TRPM2: variants seen among roughly 807,000 people sequenced by gnomAD.
TRPM2 encodes transient receptor potential cation channel subfamily M member 2, also known as estrogen-responsive element-associated gene 1 protein.
Under a neutral mutation model 174.0 loss-of-function variants are expected in TRPM2, and 161 were observed. The observed-to-expected ratio is 0.93, with a 90% CI of 0.81 to 1.05. TRPM2 has a LOEUF of 1.05. Among genes scored for constraint, TRPM2 ranks in the 50% least tolerant of loss-of-function variants. The pLI, the probability that TRPM2 is intolerant of heterozygous loss-of-function variation, is 0.00. For missense variants in TRPM2, 2,057 were observed against 2,038.0 expected (o/e 1.01, Z -0.18); for synonymous variants, 954 against 861.3 (o/e 1.11, Z -1.88).
intron 27 of TRPM2, among the ~76,000 whole-genome samples, chr21:44,431,828 C>G (rs1004968613): frequency 2.0e-5 from 3 of 152,100 alleles, no homozygotes; most frequent in Non-Finnish European, 4.4e-5. Context: ...AGTTTTATTG[C>G]ATTTTTGTTG....
At chr21:44,408,286 C>G (rs1221164295) in intron 19 of TRPM2, among the ~76,000 whole-genome samples, 2 of 151,992 alleles carry the variant, frequency 1.3e-5, no homozygotes, top group East Asian at 3.9e-4. Flanking sequence ...GTAGCATGAA[C>G]AGTTATTTAC....
At chr21:44,421,568 C>A (rs1039710756) in intron 22 of TRPM2, among the ~76,000 whole-genome samples, 3 of 151,900 alleles carry the variant, frequency 2.0e-5, no homozygotes, top group African/African-American at 7.3e-5. Flanking sequence ...CCCAGGAGTT[C>A]AAGACCAACC....
At chr21:44,406,465 G>A (rs1601173231) in intron 18 of TRPM2, 129 bp from the exon 19 acceptor site, 3 of 1,178,558 alleles carry the variant, frequency 2.5e-6, no homozygotes, top group East Asian at 2.6e-5. Flanking sequence ...GACTGCTCCT[G>A]GGAGCCTCCT....
chr21:44,375,455 G>A (rs1466723985), intron 5 of TRPM2, among the ~76,000 whole-genome samples: 1 of 152,194 alleles, frequency 6.6e-6, no homozygotes, highest in Non-Finnish European at 1.5e-5. Flanking sequence ...TCTCTCACGT[G>A]TCTGGAGGAC....
At position 44,391,212 on chromosome 21, in the gene TRPM2, A is replaced by G. The variant is rs1177669968; in HGVS notation, c.1441-60A>G. 8.3e-6 allele frequency: 13 copies of G among 1,557,308 alleles called. No homozygotes were observed. On this transcript the variant is annotated intron_variant, in intron 10 of 31. Transcript: ENST00000397928. The surrounding 1 kb of genome is among the most constrained non-coding windows in gnomAD (Gnocchi z 5.0). ...AGCCCCCATCTCCAGGGTCTTTGAG[A>G]TCAGGATGACATGGGGTGATGACCA...
intron 12 of TRPM2, among the ~76,000 whole-genome samples, chr21:44,396,656 G>A (rs868586580): frequency 3.2e-4 from 5 of 15,552 alleles, no homozygotes; most frequent in Non-Finnish European, 1.2e-4. Flanking sequence ...GTGTGGAGGG[G>A]TGTGGAGGCT....
chr21:44,404,765 T>C (rs971786904), intron 16 of TRPM2, among the ~76,000 whole-genome samples: 20 of 151,356 alleles, frequency 1.3e-4, no homozygotes, highest in Non-Finnish European at 2.4e-4. Context: ...ATAGTGATGA[T>C]AGTGACAGTG....
chr21:44,419,222 G>A (rs2050424242), intron 22 of TRPM2, among the ~76,000 whole-genome samples: 1 of 152,152 alleles, frequency 6.6e-6, no homozygotes, highest in African/African-American at 2.4e-5. Flanking sequence ...GTGCCACCTA[G>A]TTATGGCCGT....
Position 44,401,840 on chromosome 21 carries a change from G to C in TRPM2, c.2481G>C (p.Trp827Cys). ...LMVDFQPVPS[W>C]CECAIYLWLF... Reference sequence around the variant, plus strand: ...TGGACTTCCAGCCTGTGCCCTCCTGGTGCGAGTGTGCCATCTACCTCTGGC... The same window carrying C: ...TGGACTTCCAGCCTGTGCCCTCCTGCTGCGAGTGTGCCATCTACCTCTGGC... Residue 827 changes from tryptophan to cysteine, a missense_variant, in exon 16 of 32, where the codon TGG (tryptophan) becomes TGC (cysteine). By Grantham distance (215) the Trp-to-Cys change is radical. Transcript: ENST00000397928. 8 of 1,613,882 alleles carry C rather than the reference G, an allele frequency of 5.0e-6. No homozygotes were observed. Among genetic ancestry groups the C allele is most frequent in the Non-Finnish European group, 5.9e-6 (7 of 1,180,006 alleles).
chr21:44,431,665 A>T (rs138169812), intron 27 of TRPM2, among the ~76,000 whole-genome samples: 56 of 152,146 alleles, frequency 3.7e-4, no homozygotes, highest in Middle Eastern at 3.4e-3. Flanking sequence ...TTTAGTAGAG[A>T]TGGGGTTTCA....
At chr21:44,441,550 C>T (rs950230889) in intron 31 of TRPM2, 142 bp from the exon 32 acceptor site, 100 of 1,184,764 alleles carry the variant, frequency 8.4e-5, no homozygotes, top group African/African-American at 1.4e-4. Flanking sequence ...GTGCACCTGA[C>T]GCAGGGGTCC....
chr21:44,409,388 G>A (rs2050012376), intron 19 of TRPM2, among the ~76,000 whole-genome samples: 1 of 152,134 alleles, frequency 6.6e-6, no homozygotes, highest in Non-Finnish European at 1.5e-5. Context: ...AAAATCAGTG[G>A]ACCATTAACA....
chr21:44,431,787 G>A (rs2051033951), intron 27 of TRPM2, among the ~76,000 whole-genome samples: 1 of 152,204 alleles, frequency 6.6e-6, no homozygotes, highest in Non-Finnish European at 1.5e-5. Flanking sequence ...TGTGCTTATA[G>A]TTTTTAAGCC....
chr21:44,426,862 G>A (rs1396648048), intron 26 of TRPM2, 126 bp downstream of exon 26: 1 of 1,342,008 alleles, frequency 7.5e-7, no homozygotes, highest in African/African-American at 1.5e-5. Context: ...GGCCCGTGGG[G>A]GCCTGAAGGG....
Position 44,354,620 on chromosome 21 carries a change from G to C in TRPM2, c.166-28G>C, listed in dbSNP as rs1163552215. 3 of 1,600,660 alleles carry C rather than the reference G, an allele frequency of 1.9e-6. No individual in the cohort carries two copies. Among genetic ancestry groups the C allele is most frequent in the Non-Finnish European group, 2.6e-6 (3 of 1,167,760 alleles). ...GGGTGTGCTCTTTCGAATGTTGGAA[G>C]ATCTCAGTGTGCTGTCTTTACCTTC... On this transcript the variant is annotated intron_variant, in intron 1 of 31. Coordinates refer to ENST00000397928, the MANE Select transcript of TRPM2 (RefSeq NM_003307.4). This position sits in a 1 kb window ranked among gnomAD's most constrained non-coding sequence, Gnocchi z 4.3.
intron 9 of TRPM2, among the ~76,000 whole-genome samples, chr21:44,384,223 A>C (rs188353889): frequency 2.1e-4 from 32 of 152,370 alleles, no homozygotes; most frequent in African/African-American, 7.5e-4. Flanking sequence ...ATTGTATGCC[A>C]ACATGTTGGA....
chr21:44,429,097 C>T (rs1299745669), intron 27 of TRPM2, among the ~76,000 whole-genome samples: 1 of 152,096 alleles, frequency 6.6e-6, no homozygotes, highest in Non-Finnish European at 1.5e-5. Flanking sequence ...ACAATGGACA[C>T]TTTTATGATA....
intron 2 of TRPM2, among the ~76,000 whole-genome samples, chr21:44,359,029 TGCTGATTGGTCCATTTTACAGAGC>T (rs1251086363): frequency 3.3e-5 from 5 of 152,178 alleles, no homozygotes; most frequent in South Asian, 2.1e-4. Context: ...GCCCGTGTCC[TGCTGATTGGTCCATTTTACAGAGC>T]GCTGATTGGT....
chr21:44,357,542 C>T (rs962582615), intron 2 of TRPM2, among the ~76,000 whole-genome samples: 9 of 152,304 alleles, frequency 5.9e-5, no homozygotes, highest in African/African-American at 9.6e-5. Flanking sequence ...CCTGTGCAGG[C>T]GCCATGCATG....
Sources: gnomAD v4.1 joint callset for allele counts (sites outside exome capture counted in the v4.1 genomes callset) on GRCh38, gnomAD v4.1.1 for gene constraint, Gnocchi (gnomAD v3.1) non-coding constraint, MANE v1.5 for transcripts, NCBI Gene and HGNC (gene_info 2026-07-23, HGNC 2026-07-21) for gene names.